MAN2B1: variants seen among roughly 807,000 people sequenced by gnomAD.
The protein encoded by MAN2B1 is lysosomal alpha-mannosidase.
Under a neutral mutation model 127.5 loss-of-function variants are expected in MAN2B1, and 99 were observed. The observed-to-expected ratio is 0.78, with a 90% CI of 0.66 to 0.92. MAN2B1 has a LOEUF of 0.92. Among genes scored for constraint, MAN2B1 ranks in the 40% least tolerant of loss-of-function variants. MAN2B1 has a pLI of 0.00. For synonymous variants in MAN2B1, 573 were observed against 568.8 expected, an observed-to-expected ratio of 1.01 and a Z score of -0.11; for missense variants, 1,304 against 1,384.8, an observed-to-expected ratio of 0.94 and a Z score of 0.93.
At chr19:12,649,251 A>ACC in intron 19 of MAN2B1, 35 bp from the exon 20 acceptor site, 1 of 1,608,372 alleles carries the variant, frequency 6.2e-7, no homozygotes, top group Non-Finnish European at 8.5e-7. Flanking sequence ...AGGGCAGTCA[A>ACC]CCCCAACCCC....
chr19:12,653,388 A>ACC (rs34489442), intron 14 of MAN2B1, among the ~76,000 whole-genome samples: 4,041 of 135,122 alleles, frequency 0.03, 66 homozygotes, highest in Non-Finnish European at 0.035. Context: ...CTCATGATCC[A>ACC]CCCCCCCCTC....
chr19:12,650,084 T>C lies in MAN2B1; in HGVS notation c.2165+20A>G, dbSNP rs201978883. 237 of 1,611,762 alleles carry C rather than the reference T, an allele frequency of 1.5e-4. No homozygotes were observed. The highest frequency in any genetic ancestry group is 1.9e-4 in the Non-Finnish European group (229 of 1,178,094). ...CTCTGCCCTTGCTTCCACACCCCTCTCCCAGCCTGTGCCACTCACCCCACA... is the reference window on the plus strand; with the variant it reads ...CTCTGCCCTTGCTTCCACACCCCTCCCCCAGCCTGTGCCACTCACCCCACA... On this transcript the variant is annotated intron_variant, in intron 17 of 23. Transcript: ENST00000456935.
chr19:12,655,826 G>C lies in MAN2B1; in HGVS notation c.1698C>G (p.Phe566Leu). The C allele has an allele frequency of 6.2e-7, 1 of 1,613,812 alleles. No homozygotes were observed. The highest frequency in any genetic ancestry group is 8.5e-7 in the Non-Finnish European group (1 of 1,179,882). Residue 566 changes from phenylalanine (F) to leucine (L), a missense_variant, in exon 14 of 24, where the codon TTC (phenylalanine) becomes TTG (leucine). Coordinates refer to ENST00000456935, the MANE Select transcript of MAN2B1 (RefSeq NM_000528.4). The stretch of plus-strand genomic sequence containing the variant: ...AGCCCAGGGCGGGCAGTGAGGCTGA[G>C]AACAGCAGCTCCGGAGGGTGCGCCT... ...DSQAHPPELL[F>L]SASLPALGFS...
At chr19:12,658,366 G>A in intron 8 of MAN2B1, 22 bp from the exon 9 acceptor site, 1 of 1,614,222 alleles carries the variant, frequency 6.2e-7, no homozygotes, top group Non-Finnish European at 8.5e-7. Flanking sequence ...GGGGCATTGA[G>A]GGCAGGGTCA....
In MAN2B1 at chr19:12,647,176, C is replaced by A. The variant is rs943606370; in HGVS notation, c.2923+57G>T. 6 of 1,481,380 alleles carry A rather than the reference C, an allele frequency of 4.1e-6. No individual in the cohort carries two copies. The highest frequency in any genetic ancestry group is 5.7e-6 in the Non-Finnish European group (6 of 1,059,704). 91.8% of individuals were successfully genotyped at this position (1,481,380 alleles called of 1,614,324 possible). On this transcript the variant is annotated intron_variant, in intron 23 of 23. Coordinates refer to ENST00000456935, the MANE Select transcript of MAN2B1 (RefSeq NM_000528.4). The surrounding 1 kb of genome is among the most constrained non-coding windows in gnomAD (Gnocchi z 4.9). ...CATCCCATGCCTCACACATTGCCCC[C>A]ACCTGCCGGCCCCAGGTAAGACTCC...
chr19:12,650,279 A>G (rs2023811982), intron 16 of MAN2B1, 57 bp from the exon 17 acceptor site: 1 of 1,121,560 alleles, frequency 8.9e-7, no homozygotes, highest in Non-Finnish European at 1.4e-6. Flanking sequence ...GGTGAGTCCT[A>G]CAAATGTCCC....
rs1441130613 is a variant in MAN2B1 at position 12,665,803 on chromosome 19, T to C, written c.162A>G (p.Thr54=). 3 of 1,612,740 alleles carry C rather than the reference T, an allele frequency of 1.9e-6. No individual in the cohort carries two copies. Among genetic ancestry groups the C allele is most frequent in the South Asian group, 1.1e-5 (1 of 91,074 alleles). ...GCATGTTCGGCTGCACTGTGGGGCA[T>C]GTCTGCACAGGGACCCCAAACACAC... is the stretch of plus-strand genomic sequence containing the variant. ...AAGARAGGYE[T]CPTVQPNMLN... Residue 54 remains threonine (T), a splice_region_variant and synonymous_variant, in exon 2 of 24, where the codon ACA becomes ACG. Transcript: ENST00000456935.
intron 2 of MAN2B1, 29 bp from the exon 3 acceptor site, chr19:12,665,554 G>T (rs1457096694): frequency 6.2e-7 from 1 of 1,613,764 alleles, no homozygotes; most frequent in East Asian, 2.2e-5. Context: ...AGGCTCTCAG[G>T]GAACAGCAGA....
intron 13 of MAN2B1, chr19:12,656,230 G>C (rs1008457493): frequency 2.3e-6 from 1 of 443,448 alleles, no homozygotes; most frequent in South Asian, 2.6e-5. Context: ...CTGGGGAAGC[G>C]GGGTATTAAA....
Position 12,666,653 on chromosome 19 carries a change from C to T in MAN2B1, c.49G>A (p.Asp17Asn). ...ASGVCARGCL[D>N]SAGPWTMSRA... ...GACATGGTCCAGGGGCCTGCTGAGT[C>T]CAGGCAGCCGCGAGCGCAGACCCCC... Residue 17 changes from aspartate (D) to asparagine (N), a missense_variant, in exon 1 of 24, where the codon GAC (aspartate) becomes AAC (asparagine). Asp to Asn is a conservative substitution (Grantham distance 23). Coordinates refer to ENST00000456935, the MANE Select transcript of MAN2B1 (RefSeq NM_000528.4). 1 of 1,553,006 alleles carries T rather than the reference C, an allele frequency of 6.4e-7. No homozygotes were observed. The highest frequency in any genetic ancestry group is 8.7e-7 in the Non-Finnish European group (1 of 1,148,356).
In MAN2B1 at chr19:12,657,505, G is replaced by A. The variant is rs1014357760; in HGVS notation, c.1360C>T (p.Arg454Cys). 6.4e-7 allele frequency: 1 copy of A among 1,569,886 alleles called. No individual in the cohort carries two copies. Among genetic ancestry groups the A allele is most frequent in the Middle Eastern group, 1.8e-4 (1 of 5,610 alleles). ...QHHDAVSGTS[R>C]QHVANDYARQ... Reference sequence around the variant, plus strand: ...GCGTAGTCGTTGGCCACGTGCTGGCGGGAGGTGCCGCTGACGGCGTCGTGA... The same window carrying A: ...GCGTAGTCGTTGGCCACGTGCTGGCAGGAGGTGCCGCTGACGGCGTCGTGA... The change falls in exon 11 of 24, where the codon CGC (arginine) becomes TGC (cysteine). Residue 454 changes from arginine (R) to cysteine (C), a missense_variant. Transcript: ENST00000456935.
chr19:12,647,217 CT>C lies in MAN2B1; in HGVS notation c.2923+15del. On this transcript the variant is annotated intron_variant, in intron 23 of 23. Transcript: ENST00000456935. The surrounding 1 kb of genome is among the most constrained non-coding windows in gnomAD (Gnocchi z 4.9). ...GTAAGACTCCACCCCTTCCCTACCC[CT>C]GACCAGGGCCCCACCTGTGTTTGTT... 6.2e-7 allele frequency: 1 copy of C among 1,608,716 alleles called. No individual in the cohort carries two copies.
chr19:12,657,331 C>A, intron 11 of MAN2B1, 115 bp downstream of exon 11: 1 of 988,132 alleles, frequency 1.0e-6, no homozygotes, highest in South Asian at 1.4e-5. Context: ...GCCCTTGTAG[C>A]CCCGCCACAG....
At chr19:12,646,801 C>T (rs1441365191) in intron 23 of MAN2B1, 69 bp from the exon 24 acceptor site, 1 of 1,123,990 alleles carries the variant, frequency 8.9e-7, no homozygotes, top group Admixed American at 1.7e-5. Flanking sequence ...CACGATGCTT[C>T]CTCCCCTGGG....
chr19:12,650,831 G>A (rs2023828588), intron 16 of MAN2B1, among the ~76,000 whole-genome samples: 1 of 151,534 alleles, frequency 6.6e-6, no homozygotes, highest in Non-Finnish European at 1.5e-5. Flanking sequence ...CACCACCCCT[G>A]GCTAATTTTT....
Position 12,661,344 on chromosome 19 carries a change from C to A in MAN2B1, c.942G>T (p.Met314Ile). Residue 314 changes from methionine to isoleucine, a missense_variant, in exon 7 of 24, where the codon ATG becomes ATT. By Grantham distance (10) the Met-to-Ile change is conservative (BLOSUM62 1). Coordinates refer to ENST00000456935, the MANE Select transcript of MAN2B1 (RefSeq NM_000528.4). ...CATATTGGAAGTCCGAGCCCATGGT[C>A]ATCACAGTGTGGTTGGTGCGGTAAT... is the stretch of plus-strand genomic sequence containing the variant. ...GRYYRTNHTV[M>I]TMGSDFQYEN... The A allele has an allele frequency of 1.2e-6, 2 of 1,613,962 alleles. No homozygotes were observed. The highest frequency in any genetic ancestry group is 2.2e-5 in the South Asian group (2 of 91,054).
At chr19:12,666,352 A>C (rs188405020) in intron 1 of MAN2B1, among the ~76,000 whole-genome samples, 191 bp downstream of exon 1, 1 of 152,258 alleles carries the variant, frequency 6.6e-6, no homozygotes, top group East Asian at 1.9e-4. Flanking sequence ...AGGCAGGTAC[A>C]ATCAGACACA....
rs748608740 is a variant in MAN2B1 at position 12,649,329 on chromosome 19, G to C, written c.2355+12C>G. ...TATCGAGGTGGGGAGGTGCAGGATG[G>C]GGGAGAGCTACCGTGATGTAAATCC... On this transcript the variant is annotated intron_variant, in intron 19 of 23. Transcript: ENST00000456935. The C allele has an allele frequency of 2.5e-6, 4 of 1,611,388 alleles. No homozygotes were observed. Among genetic ancestry groups the C allele is most frequent in the East Asian group, 4.5e-5 (2 of 44,858 alleles).
chr19:12,666,004 A>T (rs1319225869), intron 1 of MAN2B1, among the ~76,000 whole-genome samples, 199 bp from the exon 2 acceptor site: 1 of 152,194 alleles, frequency 6.6e-6, no homozygotes, highest in East Asian at 1.9e-4. Context: ...ACAACCCCAC[A>T]GGGCAGCTCT....
Sources: gnomAD v4.1 joint callset for allele counts (sites outside exome capture counted in the v4.1 genomes callset) on GRCh38, gnomAD v4.1.1 for gene constraint, Gnocchi (gnomAD v3.1) non-coding constraint, MANE v1.5 for transcripts, NCBI Gene and HGNC (gene_info 2026-07-23, HGNC 2026-07-21) for gene names.